ITFG1: variants seen among roughly 807,000 people sequenced by gnomAD.
The protein encoded by ITFG1 is integrin alpha FG-GAP repeat containing 1, also known as T-cell immunomodulatory protein.
In ITFG1, 34 loss-of-function variants were observed where a neutral mutation model predicts 81.8. That is an observed-to-expected ratio of 0.42 (90% confidence interval 0.32 to 0.55). ITFG1 has a LOEUF of 0.55. Among genes scored for constraint, ITFG1 ranks in the 20% least tolerant of loss-of-function variants. The pLI, the probability that ITFG1 is intolerant of heterozygous loss-of-function variation, is 0.17. For missense variants in ITFG1, 672 were observed against 755.4 expected, an observed-to-expected ratio of 0.89 and a Z score of 1.29; for synonymous variants, 285 against 270.6, an observed-to-expected ratio of 1.05 and a Z score of -0.52.
chr16:47,290,345 T>A (rs1966891313), intron 10 of ITFG1, among the ~76,000 whole-genome samples: 1 of 152,168 alleles, frequency 6.6e-6, no homozygotes, highest in Non-Finnish European at 1.5e-5. Context: ...TAAAGGACAA[T>A]CTGAAAGCAA....
At chr16:47,170,291 C>T (rs1260032160) in intron 14 of ITFG1, among the ~76,000 whole-genome samples, 1 of 152,146 alleles carries the variant, frequency 6.6e-6, no homozygotes, top group Non-Finnish European at 1.5e-5. Context: ...AGAATTTCAT[C>T]AGTGCAGCCA....
intron 5 of ITFG1, among the ~76,000 whole-genome samples, chr16:47,440,824 A>C (rs1296496813): frequency 5.3e-5 from 8 of 152,318 alleles, no homozygotes; most frequent in African/African-American, 1.9e-4. Context: ...GAAGGCAAGA[A>C]ATAACTAAGA....
chr16:47,253,382 G>T (rs185341651), intron 12 of ITFG1, among the ~76,000 whole-genome samples: 1 of 152,240 alleles, frequency 6.6e-6, no homozygotes, highest in Admixed American at 6.5e-5. Flanking sequence ...CACATCCCTG[G>T]ATTACTTTAA....
chr16:47,342,110 C>A, intron 8 of ITFG1, among the ~76,000 whole-genome samples: 1 of 152,090 alleles, frequency 6.6e-6, no homozygotes, highest in East Asian at 1.9e-4. Flanking sequence ...ATAATGACAT[C>A]AAAGGAAAAT....
intron 12 of ITFG1, among the ~76,000 whole-genome samples, chr16:47,244,656 C>A (rs185362528): frequency 9.0e-6 from 1 of 110,894 alleles, no homozygotes; most frequent in Non-Finnish European, 1.8e-5. Context: ...TGTGTATTTA[C>A]CCCTCTGTAT....
intron 14 of ITFG1, among the ~76,000 whole-genome samples, chr16:47,193,483 C>T (rs547474689): frequency 6.6e-6 from 1 of 151,962 alleles, no homozygotes; most frequent in African/African-American, 2.4e-5. Context: ...TATTTTGAGC[C>T]CAAGAGTTCA....
At chr16:47,258,398 G>C (rs1298200861) in intron 12 of ITFG1, among the ~76,000 whole-genome samples, 1 of 152,148 alleles carries the variant, frequency 6.6e-6, no homozygotes, top group Non-Finnish European at 1.5e-5. Flanking sequence ...TGAAAAGATG[G>C]GACAATTAAA....
At chr16:47,260,327 A>G (rs1449743988) in intron 11 of ITFG1, among the ~76,000 whole-genome samples, 1 of 152,192 alleles carries the variant, frequency 6.6e-6, no homozygotes, top group Non-Finnish European at 1.5e-5. Flanking sequence ...TATGCCCAAA[A>G]TGAAGTAAGA....
intron 8 of ITFG1, among the ~76,000 whole-genome samples, chr16:47,339,611 C>A (rs1967754124): frequency 6.6e-6 from 1 of 151,942 alleles, no homozygotes. Context: ...GCCTCAACAG[C>A]AGATTTGAAC....
At chr16:47,205,587 A>G (rs1965483406) in intron 14 of ITFG1, among the ~76,000 whole-genome samples, 1 of 152,196 alleles carries the variant, frequency 6.6e-6, no homozygotes, top group African/African-American at 2.4e-5. Context: ...TTATTCTAAT[A>G]AAGTTATGAG....
At chr16:47,188,244 C>T (rs1965248674) in intron 14 of ITFG1, among the ~76,000 whole-genome samples, 1 of 151,930 alleles carries the variant, frequency 6.6e-6, no homozygotes, top group Non-Finnish European at 1.5e-5. Flanking sequence ...ACCATTTGAC[C>T]CAGCCGTCCC....
At chr16:47,266,568 A>T (rs1966278994) in intron 10 of ITFG1, among the ~76,000 whole-genome samples, 1 of 152,200 alleles carries the variant, frequency 6.6e-6, no homozygotes, top group Admixed American at 6.5e-5. Flanking sequence ...TGTTCAAGAA[A>T]ATGTGGAGTA....
intron 8 of ITFG1, among the ~76,000 whole-genome samples, chr16:47,324,872 C>T (rs1476212349): frequency 6.6e-6 from 1 of 152,142 alleles, no homozygotes; most frequent in Non-Finnish European, 1.5e-5. Context: ...TAGACTCCCA[C>T]ACAATAATAA....
intron 8 of ITFG1, among the ~76,000 whole-genome samples, chr16:47,316,260 T>C (rs1237534823): frequency 2.6e-5 from 4 of 152,238 alleles, no homozygotes; most frequent in Non-Finnish European, 5.9e-5. Context: ...TAGTAATTTA[T>C]ACTTAAAGTT....
chr16:47,435,033 C>G (rs1228273126), intron 5 of ITFG1, among the ~76,000 whole-genome samples: 2 of 152,046 alleles, frequency 1.3e-5, no homozygotes, highest in Non-Finnish European at 2.9e-5. Flanking sequence ...TTTTGAGAGG[C>G]AGAGGCTTGG....
intron 8 of ITFG1, among the ~76,000 whole-genome samples, chr16:47,322,173 T>C (rs1372942570): frequency 1.3e-5 from 2 of 152,150 alleles, no homozygotes; most frequent in Non-Finnish European, 2.9e-5. Flanking sequence ...ATAAGAAATA[T>C]ATACTATTAA....
chr16:47,343,850 A>G (rs1967816717), intron 8 of ITFG1, among the ~76,000 whole-genome samples: 1 of 152,200 alleles, frequency 6.6e-6, no homozygotes, highest in South Asian at 2.1e-4. Context: ...TCCTACTAAA[A>G]ATAAGTGAAA....
chr16:47,176,777 A>G (rs1965030682), intron 14 of ITFG1, among the ~76,000 whole-genome samples: 1 of 152,164 alleles, frequency 6.6e-6, no homozygotes, highest in African/African-American at 2.4e-5. Context: ...AAGTATTGAT[A>G]TGTTTGTTTT....
chr16:47,262,985 G>C (rs1214507048), intron 10 of ITFG1: 1 of 181,542 alleles, frequency 5.5e-6, no homozygotes, highest in Non-Finnish European at 1.2e-5. Flanking sequence ...AGGTGACAGA[G>C]ATCAACCCCT....
Sources: allele counts gnomAD v4.1 joint callset (sites outside exome capture counted in the v4.1 genomes callset), GRCh38; gene constraint gnomAD v4.1.1; transcripts MANE v1.5; gene names NCBI Gene and HGNC (gene_info 2026-07-23, HGNC 2026-07-21).